PCDH15: variants seen among roughly 807,000 people sequenced by gnomAD.
The protein encoded by PCDH15 is protocadherin-15.
A neutral mutation model predicts 178.5 loss-of-function variants in PCDH15; 129 were observed. The ratio of observed to expected loss-of-function variants is 0.72; its 90% CI spans 0.63 to 0.84. The LOEUF is 0.84. Among genes scored for constraint, PCDH15 ranks in the 40% least tolerant of loss-of-function variants. PCDH15 has a pLI of 0.00. For missense variants in PCDH15, 2,230 were observed against 2,099.9 expected, an observed-to-expected ratio of 1.06 and a Z score of -1.21; for synonymous variants, 800 against 732.0, an observed-to-expected ratio of 1.09 and a Z score of -1.50.
At chr10:55,106,461 T>C (rs368250633) in intron 2 of PCDH15, among the ~76,000 whole-genome samples, 2 of 152,336 alleles carry the variant, frequency 1.3e-5, no homozygotes, top group African/African-American at 4.8e-5. Flanking sequence ...TCGCCCAGGC[T>C]GGAGTGCAGT....
At chr10:55,014,043 TAATA>T (rs1276173475) in intron 2 of PCDH15, among the ~76,000 whole-genome samples, 3 of 152,078 alleles carry the variant, frequency 2.0e-5, no homozygotes, top group African/African-American at 7.2e-5. Context: ...AGTTACTTTA[TAATA>T]AATAATTACT....
chr10:54,091,410 A>G (rs1446026141), intron 15 of PCDH15, among the ~76,000 whole-genome samples: 3 of 152,298 alleles, frequency 2.0e-5, no homozygotes, highest in Admixed American at 2.0e-4. Context: ...TGTCCCAGCC[A>G]TAAGAGGCTG....
intron 1 of PCDH15, among the ~76,000 whole-genome samples, chr10:55,285,020 G>A (rs984505558): frequency 1.3e-5 from 2 of 151,466 alleles, no homozygotes; most frequent in Admixed American, 6.6e-5. Flanking sequence ...CTTATTTAGA[G>A]TATATTAAAT....
intron 14 of PCDH15, among the ~76,000 whole-genome samples, chr10:54,144,906 C>T (rs1050645167): frequency 1.3e-5 from 2 of 152,100 alleles, no homozygotes; most frequent in African/African-American, 2.4e-5. Flanking sequence ...TTCCATTTCT[C>T]CCTACGTCCT....
intron 2 of PCDH15, among the ~76,000 whole-genome samples, chr10:55,451,729 T>C (rs1274754065): frequency 6.6e-6 from 1 of 152,176 alleles, no homozygotes; most frequent in Admixed American, 6.5e-5. Flanking sequence ...ACCTATATTA[T>C]TTTTAGCTCC....
chr10:54,819,340 C>A (rs1198556175), intron 3 of PCDH15, among the ~76,000 whole-genome samples: 1 of 151,840 alleles, frequency 6.6e-6, no homozygotes. Flanking sequence ...TCACAATGTT[C>A]ATATTTAATC....
At chr10:54,536,814 AAAC>A (rs1168102993) in intron 2 of PCDH15, among the ~76,000 whole-genome samples, 6 of 152,132 alleles carry the variant, frequency 3.9e-5, no homozygotes, top group African/African-American at 1.4e-4. Flanking sequence ...GTGTGGCTGC[AAAC>A]AACATGATTT....
intron 7 of PCDH15, among the ~76,000 whole-genome samples, chr10:54,328,052 A>G (rs1564976466): frequency 6.6e-6 from 1 of 152,156 alleles, no homozygotes; most frequent in African/African-American, 2.4e-5. Context: ...GGACAAATGT[A>G]TAATGATATC....
At chr10:54,071,457 T>C (rs2094240811) in intron 17 of PCDH15, among the ~76,000 whole-genome samples, 2 of 152,256 alleles carry the variant, frequency 1.3e-5, no homozygotes, top group South Asian at 4.1e-4. Context: ...TTGTTTTTTA[T>C]TTAATCACAA....
chr10:55,444,941 C>A (rs4146654), intron 2 of PCDH15, among the ~76,000 whole-genome samples: 62,175 of 151,724 alleles, frequency 0.41, 13,467 homozygotes, highest in East Asian at 0.83. Flanking sequence ...AGGAACTAAG[C>A]TGAAGATGAT....
chr10:53,858,398 A>ATGAT (rs2078893763), intron 27 of PCDH15, among the ~76,000 whole-genome samples: 1 of 152,162 alleles, frequency 6.6e-6, no homozygotes, highest in African/African-American at 2.4e-5. Context: ...AAAGTATGAA[A>ATGAT]TGATAGAAAG....
At chr10:54,431,927 T>A (rs1239435928) in intron 3 of PCDH15, among the ~76,000 whole-genome samples, 1 of 151,738 alleles carries the variant, frequency 6.6e-6, no homozygotes, top group Non-Finnish European at 1.5e-5. Flanking sequence ...ACAAAATCAA[T>A]ATAAAAATAA....
At chr10:55,276,801 T>G (rs1842608248) in intron 1 of PCDH15, among the ~76,000 whole-genome samples, 1 of 151,252 alleles carries the variant, frequency 6.6e-6, no homozygotes. Flanking sequence ...ATAATATGAT[T>G]TGTCTTATGA....
At chr10:55,180,037 C>T (rs1329377070) in intron 1 of PCDH15, among the ~76,000 whole-genome samples, 1 of 151,942 alleles carries the variant, frequency 6.6e-6, no homozygotes, top group Non-Finnish European at 1.5e-5. Context: ...CATATACCTA[C>T]AATTCAAGCA....
intron 8 of PCDH15, among the ~76,000 whole-genome samples, chr10:54,305,330 A>T (rs1021596149): frequency 2.6e-5 from 4 of 151,836 alleles, no homozygotes; most frequent in African/African-American, 7.2e-5. Context: ...TTATCTAGGT[A>T]TTTTTTTTGA....
intron 8 of PCDH15, among the ~76,000 whole-genome samples, chr10:54,271,473 T>A (rs750322872): frequency 6.6e-6 from 1 of 152,114 alleles, no homozygotes; most frequent in Non-Finnish European, 1.5e-5. Context: ...CAGCCTCCAA[T>A]AGATGCTGGG....
intron 9 of PCDH15, among the ~76,000 whole-genome samples, chr10:54,219,093 A>T (rs1373816261): frequency 1.2e-4 from 2 of 16,030 alleles, no homozygotes; most frequent in Non-Finnish European, 3.8e-4. Context: ...CTCTACTAAA[A>T]AAAAAAAAAA....
In PCDH15 at chr10:54,079,338, G is replaced by T. The variant is rs951572015; in HGVS notation, c.2084C>A (p.Pro695Gln). ...CACAGGGAGCATACTCACCCCATCT[G>T]GCCTGCCATCTGAAGCTGTGATGAT... ...ILIITASDGR[P>Q]DGTSTATVNI... The change falls in exon 17 of 38, where the codon CCA becomes CAA. Residue 695 changes from proline (P) to glutamine (Q), a missense_variant. Physicochemically the swap from Pro to Gln is moderately conservative, Grantham distance 76 (BLOSUM62 -1). Coordinates refer to ENST00000644397, the MANE Select transcript of PCDH15 (RefSeq NM_001384140.1). 1 of 1,613,902 alleles carries T rather than the reference G, an allele frequency of 6.2e-7. No homozygotes were observed. The highest frequency in any genetic ancestry group is 1.3e-5 in the African/African-American group (1 of 75,010).
intron 9 of PCDH15, among the ~76,000 whole-genome samples, chr10:54,221,366 G>A (rs993326725): frequency 2.0e-5 from 3 of 151,928 alleles, no homozygotes; most frequent in African/African-American, 7.2e-5. Flanking sequence ...GTAGGATAAA[G>A]AAAAAATGCT....
Sources: gnomAD v4.1 joint callset for allele counts (sites outside exome capture counted in the v4.1 genomes callset) on GRCh38, gnomAD v4.1.1 for gene constraint, MANE v1.5 for transcripts, NCBI Gene and HGNC (gene_info 2026-07-23, HGNC 2026-07-21) for gene names.